The following NTM variants were observed in gnomAD, a reference collection of about 807,000 sequenced individuals.
NTM encodes the protein IgLON family member 2.
In NTM, 13 loss-of-function variants were observed where a neutral mutation model predicts 42.1. The observed-to-expected ratio is 0.31, with a 90% CI of 0.20 to 0.49. The LOEUF (loss-of-function observed/expected upper bound fraction) is 0.49. NTM is among the 20% of genes least tolerant of loss of function. The probability of loss-of-function intolerance (pLI) is 0.99; values close to 1 mark genes in which losing one functional copy is unlikely to be tolerated. For missense variants in NTM, 373 were observed against 452.8 expected (o/e 0.82, Z 1.60); for synonymous variants, 187 against 179.2 (o/e 1.04, Z -0.35).
intron 1 of NTM, among the ~76,000 whole-genome samples, chr11:131,372,443 A>AGT (rs142528453): frequency 4.4e-4 from 66 of 151,402 alleles, no homozygotes; most frequent in East Asian, 3.7e-3. Context: ...AAGCAGTATC[A>AGT]GTGTGTGTGT....
chr11:132,178,143 A>G (rs1050049739), intron 3 of NTM, among the ~76,000 whole-genome samples: 1 of 152,202 alleles, frequency 6.6e-6, no homozygotes, highest in Non-Finnish European at 1.5e-5. Flanking sequence ...GTGAAGTCCA[A>G]CCTGTCTCCT....
At chr11:131,826,654 G>GAA (rs1592124787) in intron 1 of NTM, among the ~76,000 whole-genome samples, 2 of 151,294 alleles carry the variant, frequency 1.3e-5, no homozygotes, top group Admixed American at 6.6e-5. Context: ...CCAGGAGTGG[G>GAA]AGGGCTGGGC....
At chr11:131,511,355 C>T (rs1377594333) in intron 1 of NTM, among the ~76,000 whole-genome samples, 2 of 152,194 alleles carry the variant, frequency 1.3e-5, no homozygotes, top group Admixed American at 1.3e-4. Flanking sequence ...CAGTGCCATG[C>T]CCTAATTGAA....
intron 1 of NTM, among the ~76,000 whole-genome samples, chr11:131,514,560 T>G (rs1164774667): frequency 6.6e-6 from 1 of 152,092 alleles, no homozygotes; most frequent in African/African-American, 2.4e-5. Flanking sequence ...AAAATTAAAT[T>G]TGTTTTGTGA....
chr11:132,325,959 T>G (rs974918961), intron 7 of NTM, among the ~76,000 whole-genome samples: 24 of 151,784 alleles, frequency 1.6e-4, no homozygotes, highest in African/African-American at 5.6e-4. Context: ...TAGGTGGGAA[T>G]TGAACAATGA....
intron 1 of NTM, among the ~76,000 whole-genome samples, chr11:131,830,639 T>C (rs1347207757): frequency 6.6e-6 from 1 of 152,194 alleles, no homozygotes; most frequent in Non-Finnish European, 1.5e-5. Context: ...TTAGGATTGC[T>C]TTGGCTATTT....
chr11:131,829,899 T>A (rs952385151), intron 1 of NTM, among the ~76,000 whole-genome samples: 8 of 152,206 alleles, frequency 5.3e-5, no homozygotes, highest in African/African-American at 1.4e-4. Flanking sequence ...GCTATCTCAC[T>A]GTGGTTTTAT....
intron 1 of NTM, among the ~76,000 whole-genome samples, chr11:131,761,612 T>C (rs1013705695): frequency 2.6e-4 from 39 of 151,972 alleles, no homozygotes; most frequent in African/African-American, 7.2e-4. Flanking sequence ...GAGACTATCC[T>C]CCTGACCAAC....
At chr11:131,489,779 T>C (rs956361715) in intron 1 of NTM, among the ~76,000 whole-genome samples, 1 of 152,276 alleles carries the variant, frequency 6.6e-6, no homozygotes, top group African/African-American at 2.4e-5. Flanking sequence ...CAATTTTACC[T>C]GGCCTTAGCC....
chr11:132,282,976 C>CTTTTTTTTTTTTTTTTTTTTTTTTTTT lies in NTM; in HGVS notation c.527-24688_527-24687insTTTTTTTTTTTTTTTTTTTTTTTTTTT, dbSNP rs142817071. ...AATGAAACGGGAAATTCCTTTATTC[C>CTTTTTTTTTTTTTTTTTTTTTTTTTTT]TTTTTTTTTTTTTTTTTTTTTTTTT... On this transcript the variant is annotated intron_variant, in intron 4 of 8. Coordinates refer to ENST00000683400, the MANE Select transcript of NTM (RefSeq NM_001352005.2). Among the ~76,000 whole-genome samples the CTTTTTTTTTTTTTTTTTTTTTTTTTTT allele has an allele frequency of 3.9e-4, 43 of 108,976 alleles. 2 individuals carry two copies. Among genetic ancestry groups the CTTTTTTTTTTTTTTTTTTTTTTTTTTT allele is most frequent in the Non-Finnish European group, 5.4e-4 (30 of 55,914 alleles). The allele number at this position is 108,976 out of a possible 152,430, so 71.5% of individuals were successfully genotyped here.
At chr11:131,409,294 C>A (rs1946124796) in intron 1 of NTM, among the ~76,000 whole-genome samples, 1 of 152,156 alleles carries the variant, frequency 6.6e-6, no homozygotes, top group African/African-American at 2.4e-5. Flanking sequence ...GACATTTACC[C>A]CTTTGCACTT....
chr11:131,518,980 T>A (rs1196484196), intron 1 of NTM, among the ~76,000 whole-genome samples: 1 of 152,230 alleles, frequency 6.6e-6, no homozygotes, highest in East Asian at 1.9e-4. Context: ...CCTTTTTATT[T>A]CTCTGCAGAA....
intron 1 of NTM, among the ~76,000 whole-genome samples, chr11:131,485,863 AAGG>A (rs999047740): frequency 2.6e-5 from 4 of 152,088 alleles, no homozygotes; most frequent in African/African-American, 9.7e-5. Context: ...TGAGGAAGAG[AAGG>A]AGGATATTGG....
chr11:131,937,629 C>T (rs1444106075), intron 2 of NTM, among the ~76,000 whole-genome samples: 1 of 152,196 alleles, frequency 6.6e-6, no homozygotes, highest in Non-Finnish European at 1.5e-5. Context: ...TAAGCCTCTT[C>T]CCATTTCTCT....
intron 1 of NTM, among the ~76,000 whole-genome samples, chr11:131,521,379 C>A (rs1297041976): frequency 7.9e-6 from 1 of 126,214 alleles, no homozygotes; most frequent in African/African-American, 3.0e-5. Flanking sequence ...AGCAAGGTGC[C>A]AGTCTTTTTT....
intron 2 of NTM, among the ~76,000 whole-genome samples, chr11:132,015,644 T>TATTTTATTTC: frequency 6.6e-6 from 1 of 150,702 alleles, no homozygotes. Flanking sequence ...TATTTTATTT[T>TATTTTATTTC]ATTTTATTTT....
At chr11:132,318,534 C>CT (rs1181562584) in intron 7 of NTM, among the ~76,000 whole-genome samples, 1 of 152,188 alleles carries the variant, frequency 6.6e-6, no homozygotes, top group Non-Finnish European at 1.5e-5. Context: ...TCCCGCGTCT[C>CT]TTGCCTGTCT....
intron 1 of NTM, among the ~76,000 whole-genome samples, chr11:131,643,850 G>T (rs775637664): frequency 9.9e-5 from 15 of 152,196 alleles, no homozygotes; most frequent in Non-Finnish European, 1.8e-4. Flanking sequence ...AGTTGTAAAA[G>T]AAGACTGAGA....
intron 1 of NTM, among the ~76,000 whole-genome samples, chr11:131,752,590 G>A (rs2082706662): frequency 6.6e-6 from 1 of 152,122 alleles, no homozygotes; most frequent in Non-Finnish European, 1.5e-5. Flanking sequence ...ACATGCACAT[G>A]TATGTTTATT....
Sources: gnomAD v4.1 joint callset for allele counts (sites outside exome capture counted in the v4.1 genomes callset) on GRCh38, gnomAD v4.1.1 for gene constraint, MANE v1.5 for transcripts, NCBI Gene and HGNC (gene_info 2026-07-23, HGNC 2026-07-21) for gene names.